The following CLTC variants were observed in gnomAD, a reference collection of about 807,000 sequenced individuals.
The protein encoded by CLTC is clathrin heavy chain, also known as clathrin heavy chain 1.
In CLTC, 16 loss-of-function variants were observed where a neutral mutation model predicts 195.8. That is an observed-to-expected ratio of 0.08 (90% CI 0.06 to 0.12). The LOEUF (loss-of-function observed/expected upper bound fraction) is 0.12. Among genes scored for constraint, CLTC ranks in the 10% least tolerant of loss-of-function variants. The probability of loss-of-function intolerance (pLI) is 1.00; values close to 1 mark genes in which losing one functional copy is unlikely to be tolerated. For missense variants in CLTC, 796 were observed against 2,027.0 expected (o/e 0.39, Z 11.66); for synonymous variants, 667 against 689.4 (o/e 0.97, Z 0.51).
chr17:59,679,233 A>C, intron 17 of CLTC, 164 bp from the exon 18 acceptor site: 1 of 495,580 alleles, frequency 2.0e-6, no homozygotes. Flanking sequence ...AGTCTATATA[A>C]TTAAAACAGT....
intron 30 of CLTC, chr17:59,689,483 C>T (rs1302256957): frequency 1.3e-5 from 2 of 151,814 alleles, no homozygotes; most frequent in South Asian, 2.1e-4. Context: ...AGTGAGCATT[C>T]ATAAAGTGTT....
chr17:59,696,766 A>C lies in CLTC; in HGVS notation c.*2914A>C, dbSNP rs2033437957. ...TTACCATAAATTCTTACTTGGGCCC[A>C]CCCATTTCCATCTGTTAAGGTCCAT... On this transcript the variant is annotated 3_prime_UTR_variant, in exon 32 of 32. Coordinates refer to ENST00000269122, the MANE Select transcript of CLTC (RefSeq NM_004859.4). The C allele has an allele frequency of 4.9e-6, 1 of 205,542 alleles. No individual in the cohort carries two copies. The highest frequency in any genetic ancestry group is 2.3e-5 in the African/African-American group (1 of 43,822). The allele number at this position is 205,542 out of a possible 1,614,324, so 12.7% of individuals were successfully genotyped here.
In CLTC at chr17:59,694,413, C is replaced by T. The variant is rs2033376478; in HGVS notation, c.*561C>T. The T allele has an allele frequency of 4.5e-6, 1 of 224,512 alleles. No homozygotes were observed. Among genetic ancestry groups the T allele is most frequent in the Non-Finnish European group, 8.9e-6 (1 of 112,480 alleles). The allele number at this position is 224,512 out of a possible 1,614,324, so 13.9% of individuals were successfully genotyped here. ...TTGAAAAATGTTACAGACAACTTGC[C>T]TGATTTTTAAATGAGCGTAAAAGGC... On this transcript the variant is annotated 3_prime_UTR_variant, in exon 32 of 32. Transcript: ENST00000269122.
intron 5 of CLTC, among the ~76,000 whole-genome samples, chr17:59,652,432 T>C (rs2032349658): frequency 6.6e-6 from 1 of 152,222 alleles, no homozygotes; most frequent in Admixed American, 6.5e-5. Context: ...AGCTGTGGTC[T>C]TATGAAATAA....
Position 59,664,900 on chromosome 17 carries a change from C to A in CLTC, c.1635C>A (p.Asp545Glu). 1 of 1,614,012 alleles carries A rather than the reference C, an allele frequency of 6.2e-7. No homozygotes were observed. The highest frequency in any genetic ancestry group is 8.5e-7 in the Non-Finnish European group (1 of 1,179,938). The stretch of plus-strand genomic sequence containing the variant: ...TTCAAGATGAAGAGCCTCTTGCTGA[C>A]ATCACACAGGTAATGTGATTAAAAT... ...MLVQDEEPLA[D>E]ITQIVDVFME... is the part of the protein sequence containing the mutation. The change falls in exon 10 of 32, where the codon GAC (aspartate) becomes GAA (glutamate). Residue 545 changes from aspartate to glutamate, a missense_variant. Asp to Glu is a conservative substitution (Grantham distance 45). Coordinates refer to ENST00000269122, the MANE Select transcript of CLTC (RefSeq NM_004859.4).
intron 2 of CLTC, among the ~76,000 whole-genome samples, chr17:59,646,191 T>G (rs571991811): frequency 6.6e-6 from 1 of 152,120 alleles, no homozygotes; most frequent in Non-Finnish European, 1.5e-5. Flanking sequence ...ACCCCACTTA[T>G]GTATATATTC....
intron 30 of CLTC, chr17:59,687,001 G>A (rs1187164058): frequency 1.0e-6 from 1 of 988,866 alleles, no homozygotes; most frequent in Non-Finnish European, 1.2e-6. Flanking sequence ...TCCTTTGCAG[G>A]TTGATGCAAT....
chr17:59,653,344 C>A (rs887545772), intron 5 of CLTC, among the ~76,000 whole-genome samples: 1 of 151,782 alleles, frequency 6.6e-6, no homozygotes, highest in African/African-American at 2.4e-5. Context: ...CAGGCACCCA[C>A]CACCACCCTC....
chr17:59,680,604 AT>A (rs1284122753), intron 18 of CLTC, among the ~76,000 whole-genome samples: 1 of 152,202 alleles, frequency 6.6e-6, no homozygotes. Flanking sequence ...AATTACCGAT[AT>A]TTTAATTCCA....
intron 6 of CLTC, among the ~76,000 whole-genome samples, chr17:59,656,395 C>T (rs981523155): frequency 2.6e-5 from 1 of 38,330 alleles, no homozygotes; most frequent in Non-Finnish European, 5.2e-5. Context: ...ATTTGACAGA[C>T]TATTTTTTTA....
intron 10 of CLTC, among the ~76,000 whole-genome samples, chr17:59,665,694 AGCTAGGTGTGGTG>A (rs2032713635): frequency 6.6e-6 from 1 of 152,064 alleles, no homozygotes; most frequent in South Asian, 2.1e-4. Context: ...ACAAAAAATT[AGCTAGGTGTGGTG>A]GCAGACGCCT....
intron 4 of CLTC, among the ~76,000 whole-genome samples, chr17:59,650,822 C>T (rs1025405278): frequency 3.3e-5 from 5 of 152,032 alleles, no homozygotes; most frequent in African/African-American, 1.2e-4. Flanking sequence ...GAGTAGATAA[C>T]TATTTTATCA....
intron 8 of CLTC, 83 bp downstream of exon 8, chr17:59,661,726 A>G: frequency 1.8e-6 from 2 of 1,139,994 alleles, no homozygotes; most frequent in South Asian, 1.3e-5. Flanking sequence ...AGGCTGCACC[A>G]CAATGTCTCC....
chr17:59,690,995 C>A (rs1598248765), intron 31 of CLTC, among the ~76,000 whole-genome samples: 1 of 152,264 alleles, frequency 6.6e-6, no homozygotes, highest in Non-Finnish European at 1.5e-5. Context: ...TCATAAATTA[C>A]TGAAAAAGAA....
At chr17:59,629,833 T>C (rs2031659942) in intron 1 of CLTC, among the ~76,000 whole-genome samples, 1 of 151,626 alleles carries the variant, frequency 6.6e-6, no homozygotes, top group Non-Finnish European at 1.5e-5. Context: ...GATCATAATT[T>C]ACATAGAAAG....
chr17:59,655,818 C>A, intron 5 of CLTC, 36 bp from the exon 6 acceptor site: 1 of 1,464,706 alleles, frequency 6.8e-7, no homozygotes, highest in Non-Finnish European at 9.1e-7. Flanking sequence ...TTTGTAGATT[C>A]ATTATTTTAC....
chr17:59,655,222 G>A (rs2032435897), intron 5 of CLTC, among the ~76,000 whole-genome samples: 2 of 152,140 alleles, frequency 1.3e-5, no homozygotes, highest in Admixed American at 6.5e-5. Context: ...TATTATATTG[G>A]CCTAATATTG....
At chr17:59,632,782 G>A (rs2031761958) in intron 1 of CLTC, among the ~76,000 whole-genome samples, 1 of 152,122 alleles carries the variant, frequency 6.6e-6, no homozygotes, top group South Asian at 2.1e-4. Context: ...GAGATGGAAA[G>A]TGTCTTCACT....
chr17:59,641,295 A>G (rs1056243987), intron 1 of CLTC, among the ~76,000 whole-genome samples: 1 of 152,032 alleles, frequency 6.6e-6, no homozygotes, highest in Non-Finnish European at 1.5e-5. Context: ...GAGGAAAAGA[A>G]GGAATTACAG....
Sources: allele counts gnomAD v4.1 joint callset (sites outside exome capture counted in the v4.1 genomes callset), GRCh38; gene constraint gnomAD v4.1.1; transcripts MANE v1.5; gene names NCBI Gene and HGNC (gene_info 2026-07-23, HGNC 2026-07-21).